The following PPARGC1A variants were observed in gnomAD, a reference collection of about 807,000 sequenced individuals.
The protein encoded by PPARGC1A is peroxisome proliferator-activated receptor gamma coactivator 1-alpha.
A neutral mutation model predicts 88.7 loss-of-function variants in PPARGC1A; 25 were observed. The ratio of observed to expected loss-of-function variants is 0.28; its 90% CI spans 0.21 to 0.39. PPARGC1A has a LOEUF of 0.39. Among genes scored for constraint, PPARGC1A ranks in the 10% least tolerant of loss-of-function variants. The probability of loss-of-function intolerance (pLI) is 1.00; values close to 1 mark genes in which losing one functional copy is unlikely to be tolerated. For synonymous variants in PPARGC1A, 363 were observed against 355.6 expected, an observed-to-expected ratio of 1.02 and a Z score of -0.24; for missense variants, 880 against 968.7, an observed-to-expected ratio of 0.91 and a Z score of 1.22.
At chr4:24,377,561 A>G in the PPARGC1A span, among the ~76,000 whole-genome samples, 1 of 152,114 alleles carries the variant, frequency 6.6e-6, no homozygotes, top group Non-Finnish European at 1.5e-5. Flanking sequence ...TTGAGTTTCA[A>G]TCCTGGCCAA....
the PPARGC1A span, among the ~76,000 whole-genome samples, chr4:24,118,114 C>T: frequency 1.3e-5 from 2 of 152,140 alleles, no homozygotes; most frequent in African/African-American, 4.8e-5. Context: ...ACAACAAAGC[C>T]CTGCCTGCAG....
chr4:24,084,461 G>C, the PPARGC1A span, among the ~76,000 whole-genome samples: 1 of 152,218 alleles, frequency 6.6e-6, no homozygotes, highest in African/African-American at 2.4e-5. Flanking sequence ...CACCTCCGGG[G>C]AGGAGAAAGG....
chr4:23,829,623 G>T (rs531530270), intron 3 of PPARGC1A, 38 bp from the exon 4 acceptor site: 28 of 1,587,244 alleles, frequency 1.8e-5, no homozygotes, highest in Non-Finnish European at 2.3e-5. Context: ...AGCAAGTAAA[G>T]TTATGCATCT....
chr4:23,943,653 T>G, the PPARGC1A span, among the ~76,000 whole-genome samples: 2 of 152,184 alleles, frequency 1.3e-5, no homozygotes, highest in African/African-American at 4.8e-5. Flanking sequence ...AAGTGTGAGC[T>G]GTATTTAGTG....
chr4:23,891,146 T>C (rs1445389473), upstream of PPARGC1A, among the ~76,000 whole-genome samples: 1 of 152,202 alleles, frequency 6.6e-6, no homozygotes, highest in East Asian at 1.9e-4. Context: ...GCAACTGTTT[T>C]ATGATGACAC....
chr4:24,144,275 C>G, the PPARGC1A span, among the ~76,000 whole-genome samples: 1 of 152,186 alleles, frequency 6.6e-6, no homozygotes, highest in Middle Eastern at 3.2e-3. Flanking sequence ...AAGATGCCTG[C>G]CACTAGTGCC....
the PPARGC1A span, among the ~76,000 whole-genome samples, chr4:24,282,606 C>T: frequency 6.6e-6 from 1 of 152,188 alleles, no homozygotes; most frequent in Non-Finnish European, 1.5e-5. Flanking sequence ...ACATTTCTTA[C>T]TCAGTATTGG....
At chr4:24,355,504 G>T in the PPARGC1A span, among the ~76,000 whole-genome samples, 1 of 151,982 alleles carries the variant, frequency 6.6e-6, no homozygotes, top group African/African-American at 2.4e-5. Context: ...ATAATCTCCA[G>T]CCCCTTCTAC....
chr4:23,972,317 A>G, the PPARGC1A span, among the ~76,000 whole-genome samples: 1 of 152,228 alleles, frequency 6.6e-6, no homozygotes, highest in Admixed American at 6.5e-5. Flanking sequence ...GCAAATAAAC[A>G]GCAGTTTCTA....
intron 1 of PPARGC1A, among the ~76,000 whole-genome samples, chr4:23,886,736 GC>G (rs1336836907): frequency 6.6e-6 from 1 of 151,822 alleles, no homozygotes; most frequent in Non-Finnish European, 1.5e-5. Flanking sequence ...TGCCCACACA[GC>G]TGATCCTCCA....
Position 23,829,449 on chromosome 4 carries a change from AT to A in PPARGC1A, c.552+13del, listed in dbSNP as rs1724606836. 1.2e-6 allele frequency: 2 copies of A among 1,611,806 alleles called. No homozygotes were observed. The highest frequency in any genetic ancestry group is 1.7e-6 in the Non-Finnish European group (2 of 1,178,452). On this transcript the variant is annotated intron_variant, in intron 4 of 12. Coordinates refer to ENST00000264867, the MANE Select transcript of PPARGC1A (RefSeq NM_013261.5). ...TGGTACATCCCCCCTGTATTAAAAA[AT>A]TTACATTTGTACCTTAACAATTGCA...
the PPARGC1A span, among the ~76,000 whole-genome samples, chr4:24,093,954 T>C: frequency 1.3e-5 from 2 of 151,826 alleles, no homozygotes; most frequent in Non-Finnish European, 2.9e-5. Flanking sequence ...CACAGCAAGA[T>C]AGCATTTCCC....
chr4:23,841,748 C>A (rs1426701245), intron 2 of PPARGC1A, among the ~76,000 whole-genome samples: 1 of 152,042 alleles, frequency 6.6e-6, no homozygotes, highest in African/African-American at 2.4e-5. Context: ...ATGATAAGAA[C>A]CTGCCATCAT....
the PPARGC1A span, among the ~76,000 whole-genome samples, chr4:24,367,048 T>C: frequency 6.6e-6 from 1 of 152,182 alleles, no homozygotes; most frequent in Non-Finnish European, 1.5e-5. Flanking sequence ...ACGTTCAAAA[T>C]AGATCATAAT....
At chr4:24,265,526 T>A in the PPARGC1A span, among the ~76,000 whole-genome samples, 1 of 151,854 alleles carries the variant, frequency 6.6e-6, no homozygotes, top group African/African-American at 2.4e-5. Context: ...GTTTTATTAT[T>A]CGAATGGCTT....
chr4:23,884,811 T>G lies in PPARGC1A; in HGVS notation c.175A>C (p.Ser59Arg), dbSNP rs750797347. Reference protein sequence around the residue: ...DSFLGGLKWCSDQSEIISNQY... With the variant: ...DSFLGGLKWCRDQSEIISNQY... ...TTGGATATTATTTCTGATTGGTCAC[T>G]GCACCACTTGAGTCCACCCAGAAAG... is the stretch of plus-strand genomic sequence containing the variant. Residue 59 changes from serine to arginine, a missense_variant, in exon 2 of 13, where the codon AGT becomes CGT. Ser to Arg is a moderately radical substitution (Grantham distance 110, BLOSUM62 -1). Coordinates refer to ENST00000264867, the MANE Select transcript of PPARGC1A (RefSeq NM_013261.5). 6.2e-7 allele frequency: 1 copy of G among 1,613,998 alleles called. No homozygotes were observed.
chr4:23,809,183 T>A (rs1420871574), intron 10 of PPARGC1A, among the ~76,000 whole-genome samples: 1 of 152,196 alleles, frequency 6.6e-6, no homozygotes, highest in Non-Finnish European at 1.5e-5. Flanking sequence ...TTCAAGCTAA[T>A]TTTTTCAAAT....
the PPARGC1A span, among the ~76,000 whole-genome samples, chr4:23,936,806 G>T: frequency 6.6e-6 from 1 of 152,238 alleles, no homozygotes; most frequent in South Asian, 2.1e-4. Flanking sequence ...GGAGATGGAG[G>T]TTGCAGTGAG....
At chr4:24,422,037 T>C in the PPARGC1A span, among the ~76,000 whole-genome samples, 1 of 152,220 alleles carries the variant, frequency 6.6e-6, no homozygotes, top group Admixed American at 6.5e-5. Flanking sequence ...ACTAAAAGGA[T>C]TGAAGTTCAG....
Sources: allele counts gnomAD v4.1 joint callset (sites outside exome capture counted in the v4.1 genomes callset), GRCh38; gene constraint gnomAD v4.1.1; transcripts MANE v1.5; gene names NCBI Gene and HGNC (gene_info 2026-07-23, HGNC 2026-07-21).